Variants in PCDHA3 observed in about 807,000 individuals in gnomAD.
The protein encoded by PCDHA3 is protocadherin alpha 3, also known as protocadherin alpha-3.
Under a neutral mutation model 62.2 loss-of-function variants are expected in PCDHA3, and 41 were observed. The observed-to-expected ratio is 0.66, with a 90% CI of 0.51 to 0.86. PCDHA3 has a LOEUF of 0.86. PCDHA3 is among the 40% of genes least tolerant of loss of function. PCDHA3 has a pLI of 0.00. For synonymous variants in PCDHA3, 640 were observed against 555.4 expected, an observed-to-expected ratio of 1.15 and a Z score of -2.14; for missense variants, 1,304 against 1,241.2, an observed-to-expected ratio of 1.05 and a Z score of -0.76.
At chr5:140,848,383 C>A in intron 1 of PCDHA3, 1 of 1,197,372 alleles carries the variant, frequency 8.4e-7, no homozygotes, top group Non-Finnish European at 1.2e-6. Flanking sequence ...TTCTTTTTCA[C>A]TCTCTCTGTG....
At chr5:140,940,987 T>A (rs1239979893) in intron 1 of PCDHA3, among the ~76,000 whole-genome samples, 2 of 152,190 alleles carry the variant, frequency 1.3e-5, no homozygotes, top group African/African-American at 4.8e-5. Flanking sequence ...TAGTTACAAG[T>A]TTATAGGATT....
intron 1 of PCDHA3, chr5:140,824,049 C>T: frequency 6.2e-7 from 1 of 1,614,198 alleles, no homozygotes; most frequent in Non-Finnish European, 8.5e-7. Context: ...AGAGGGTGTG[C>T]TCTGGGGAAG....
At chr5:140,916,832 G>A (rs1286597127) in intron 1 of PCDHA3, among the ~76,000 whole-genome samples, 3 of 152,104 alleles carry the variant, frequency 2.0e-5, no homozygotes, top group East Asian at 1.9e-4. Context: ...TATCCCTCTG[G>A]TTCTGAGCCC....
At chr5:140,987,635 G>A (rs2097262928) in intron 3 of PCDHA3, among the ~76,000 whole-genome samples, 3 of 152,176 alleles carry the variant, frequency 2.0e-5, no homozygotes, top group Non-Finnish European at 4.4e-5. Context: ...ATGAGATAAT[G>A]CACACATATT....
intron 1 of PCDHA3, chr5:140,809,286 T>A (rs782732716): frequency 1.2e-6 from 2 of 1,613,984 alleles, no homozygotes; most frequent in East Asian, 2.2e-5. Context: ...AACGTATACC[T>A]GATCATTGCC....
rs781807025 is a variant in PCDHA3, at chr5:140,872,165, CTT to C, written c.2394+68585_2394+68586del. Among the ~76,000 whole-genome samples the C allele has an allele frequency of 5.6e-3, 809 of 144,322 alleles. 4 individuals are homozygous for C. Among genetic ancestry groups the C allele is most frequent in the Middle Eastern group, 0.014 (4 of 276 alleles). 94.7% of individuals were successfully genotyped at this position (144,322 alleles called of 152,430 possible). On this transcript the variant is annotated intron_variant, in intron 1 of 3. Transcript: ENST00000522353. The stretch of plus-strand genomic sequence containing the variant: ...CATTAGTATGACATGATTTACTTTT[CTT>C]TTTTTTTTTTACAGTGTTAAACGTT...
At chr5:140,824,187 C>T (rs2150133010) in intron 1 of PCDHA3, 10 of 1,603,156 alleles carry the variant, frequency 6.2e-6, no homozygotes, top group African/African-American at 1.3e-5. Context: ...TTAAATGTCA[C>T]ATTCACCCAC....
intron 1 of PCDHA3, among the ~76,000 whole-genome samples, chr5:140,919,658 T>C (rs1271844986): frequency 2.0e-5 from 3 of 152,230 alleles, no homozygotes; most frequent in Non-Finnish European, 2.9e-5. Context: ...GTTTACCATA[T>C]ATATTTTAGC....
At chr5:140,898,720 T>C (rs1343662110) in intron 1 of PCDHA3, among the ~76,000 whole-genome samples, 5 of 152,214 alleles carry the variant, frequency 3.3e-5, no homozygotes, top group African/African-American at 4.8e-5. Flanking sequence ...TTTCCAATTC[T>C]GTGAAGAAAG....
chr5:140,832,454 T>C lies in PCDHA3; in HGVS notation c.2394+28863T>C, dbSNP rs193078566. Among the ~76,000 whole-genome samples, 274 of 152,332 alleles carry C rather than the reference T, an allele frequency of 1.8e-3. 1 individual carries two copies. The highest frequency in any genetic ancestry group is 6.5e-3 in the African/African-American group (271 of 41,598). ...TAATTTTTAAGCGTGTAATTAATAT[T>C]GCACTAAAATTTAAAAAAACTAACT... On this transcript the variant is annotated intron_variant, in intron 1 of 3. Transcript: ENST00000522353.
chr5:140,808,150 G>A, intron 1 of PCDHA3: 2 of 1,614,124 alleles, frequency 1.2e-6, no homozygotes, highest in Non-Finnish European at 1.7e-6. Flanking sequence ...TTATTGTAGA[G>A]GGCATTGATA....
chr5:140,988,152 C>G (rs2153871090), intron 3 of PCDHA3, among the ~76,000 whole-genome samples: 1 of 152,258 alleles, frequency 6.6e-6, no homozygotes, highest in East Asian at 1.9e-4. Flanking sequence ...ACCTCAACTT[C>G]TGCCGTTGTC....
chr5:140,926,797 T>C (rs2153584735), intron 1 of PCDHA3: 2 of 1,450,476 alleles, frequency 1.4e-6, no homozygotes, highest in Admixed American at 2.7e-5. Flanking sequence ...AGGAGCGTGC[T>C]CTTCCCCGCG....
At chr5:140,877,921 T>C (rs2153357057) in intron 1 of PCDHA3, 1 of 1,422,868 alleles carries the variant, frequency 7.0e-7, no homozygotes, top group South Asian at 1.6e-5. Context: ...CTCATTTTTC[T>C]TTATGATTCT....
At chr5:140,890,627 G>A (rs1562851697) in intron 1 of PCDHA3, among the ~76,000 whole-genome samples, 1 of 152,056 alleles carries the variant, frequency 6.6e-6, no homozygotes, top group Non-Finnish European at 1.5e-5. Flanking sequence ...AGAAAATTAA[G>A]CATGTATCCT....
At chr5:140,815,804 A>G (rs1328932785) in intron 1 of PCDHA3, 1 of 152,128 alleles carries the variant, frequency 6.6e-6, no homozygotes, top group Non-Finnish European at 1.5e-5. Context: ...TTAACTGGGA[A>G]GGTCTTTATC....
At chr5:140,998,903 G>C (rs1465203456) in intron 3 of PCDHA3, among the ~76,000 whole-genome samples, 1 of 152,156 alleles carries the variant, frequency 6.6e-6, no homozygotes, top group East Asian at 1.9e-4. Context: ...CAATGCCTCC[G>C]GGAGGTAGCT....
rs1554149566 is a variant in PCDHA3 at position 140,857,139 on chromosome 5, T to C, written c.2394+53548T>C. ...CTCCCAGTGAAAGAAGATGCTCAAG[T>C]GGGCACCGTCATTGCCCTAATCAGC... On this transcript the variant is annotated intron_variant, in intron 1 of 3. Transcript: ENST00000522353. 4 of 1,598,152 alleles carry C rather than the reference T, an allele frequency of 2.5e-6. 1 individual carries two copies. The highest frequency in any genetic ancestry group is 1.7e-5 in the Admixed American group (1 of 59,246).
chr5:140,877,868 T>A, intron 1 of PCDHA3: 1 of 1,488,916 alleles, frequency 6.7e-7, no homozygotes, highest in Non-Finnish European at 8.9e-7. Context: ...TTAGATATAT[T>A]TGTTTCCTTG....
Sources: allele counts gnomAD v4.1 joint callset (sites outside exome capture counted in the v4.1 genomes callset), GRCh38; gene constraint gnomAD v4.1.1; transcripts MANE v1.5; gene names NCBI Gene and HGNC (gene_info 2026-07-23, HGNC 2026-07-21).